The following TXLNB variants were observed in gnomAD, a reference collection of about 807,000 sequenced individuals.
TXLNB encodes taxilin beta, also known as beta-taxilin.
TXLNB carries 37 observed loss-of-function variants against 57.4 expected under a neutral mutation model. The ratio of observed to expected loss-of-function variants is 0.64; its 90% CI spans 0.50 to 0.85. TXLNB has a LOEUF of 0.85. Ranked by LOEUF, TXLNB falls within the 40% of genes least tolerant of loss-of-function variation. The probability of loss-of-function intolerance (pLI) is 0.00; values close to 1 mark genes in which losing one functional copy is unlikely to be tolerated. For synonymous variants in TXLNB, 302 were observed against 309.6 expected (o/e 0.98, Z 0.26); for missense variants, 848 against 825.6 (o/e 1.03, Z -0.33).
chr6:139,225,051 T>C, the TXLNB span, among the ~76,000 whole-genome samples: 5 of 152,150 alleles, frequency 3.3e-5, no homozygotes, highest in Non-Finnish European at 7.4e-5. Context: ...AATCAATCAC[T>C]GTAACCCACC....
chr6:139,274,658 C>G (rs758529198), intron 3 of TXLNB, among the ~76,000 whole-genome samples: 1 of 152,084 alleles, frequency 6.6e-6, no homozygotes, highest in African/African-American at 2.4e-5. Flanking sequence ...GATGAACAAC[C>G]CTGGCTCATG....
At chr6:139,246,456 G>A (rs1399516120) in intron 8 of TXLNB, among the ~76,000 whole-genome samples, 1 of 152,174 alleles carries the variant, frequency 6.6e-6, no homozygotes, top group East Asian at 1.9e-4. Flanking sequence ...GGCTGATTTT[G>A]TATTGGGAAG....
chr6:139,166,182 A>G, the TXLNB span: 3 of 913,334 alleles, frequency 3.3e-6, no homozygotes, highest in Non-Finnish European at 5.1e-6. Context: ...CTTTCATTAT[A>G]TTCATGTCTT....
chr6:139,219,686 G>A, the TXLNB span, among the ~76,000 whole-genome samples: 1 of 152,186 alleles, frequency 6.6e-6, no homozygotes, highest in Admixed American at 6.5e-5. Context: ...CTGGGAGGCT[G>A]AGACGGCAGG....
intron 2 of TXLNB, among the ~76,000 whole-genome samples, chr6:139,286,129 A>G (rs549617555): frequency 6.6e-6 from 1 of 152,282 alleles, no homozygotes; most frequent in Non-Finnish European, 1.5e-5. Flanking sequence ...CACTATTACC[A>G]ATAACAAAAA....
At chr6:139,312,671 A>G in the TXLNB span, among the ~76,000 whole-genome samples, 5 of 114,816 alleles carry the variant, frequency 4.4e-5, no homozygotes, top group Non-Finnish European at 9.2e-5. Flanking sequence ...ATGAACCCCA[A>G]AACATCCCTT....
the TXLNB span, among the ~76,000 whole-genome samples, chr6:139,170,764 G>A: frequency 6.6e-6 from 1 of 152,086 alleles, no homozygotes; most frequent in African/African-American, 2.4e-5. Context: ...GAATGTGAAT[G>A]GAAAGATTTT....
At position 139,270,583 on chromosome 6, in the gene TXLNB, T is replaced by C; in HGVS notation, c.560A>G (p.Gln187Arg). 6.2e-7 allele frequency: 1 copy of C among 1,614,194 alleles called. No individual in the cohort carries two copies. Among genetic ancestry groups the C allele is most frequent in the East Asian group, 2.2e-5 (1 of 44,890 alleles). The change falls in exon 4 of 10, where the codon CAA becomes CGA. Residue 187 changes from glutamine (Q) to arginine (R), a missense_variant. By Grantham distance (43) the Gln-to-Arg change is conservative. Coordinates refer to ENST00000358430, the MANE Select transcript of TXLNB (RefSeq NM_153235.4). ...TTTTTGAATTTGTACCTGTTTCTTT[T>C]GGAGGAGCTTTAACTTCTTTTGCTC... ...RTEQKKLKLLQKKQVQIQKEK... is the reference protein window; with the variant it reads ...RTEQKKLKLLRKKQVQIQKEK...
the TXLNB span, among the ~76,000 whole-genome samples, chr6:139,186,057 T>C: frequency 6.6e-6 from 1 of 152,152 alleles, no homozygotes; most frequent in African/African-American, 2.4e-5. Flanking sequence ...AATCAGTTGA[T>C]TTTCGGCAAA....
chr6:139,204,327 A>T, the TXLNB span, among the ~76,000 whole-genome samples: 1 of 152,136 alleles, frequency 6.6e-6, no homozygotes, highest in Non-Finnish European at 1.5e-5. Flanking sequence ...AAGTACTGGG[A>T]TTACAGGCAT....
the TXLNB span, among the ~76,000 whole-genome samples, chr6:139,312,738 A>C: frequency 6.6e-6 from 1 of 152,188 alleles, no homozygotes; most frequent in Non-Finnish European, 1.5e-5. Flanking sequence ...CTCTGAAAAC[A>C]GTATGTTACC....
the TXLNB span, among the ~76,000 whole-genome samples, chr6:139,307,879 C>T: frequency 2.0e-5 from 3 of 152,134 alleles, no homozygotes; most frequent in African/African-American, 4.8e-5. Flanking sequence ...TTTATCCAGA[C>T]GTGTTTTTAC....
chr6:139,314,095 C>G, the TXLNB span, among the ~76,000 whole-genome samples: 1 of 152,164 alleles, frequency 6.6e-6, no homozygotes, highest in Non-Finnish European at 1.5e-5. Context: ...AAGCATTTTA[C>G]CCCAAAATAG....
At chr6:139,312,889 C>T in the TXLNB span, among the ~76,000 whole-genome samples, 1 of 152,160 alleles carries the variant, frequency 6.6e-6, no homozygotes, top group African/African-American at 2.4e-5. Flanking sequence ...CACAACAAAT[C>T]TTACCCTTGT....
chr6:139,184,249 A>C, the TXLNB span, among the ~76,000 whole-genome samples: 1 of 152,244 alleles, frequency 6.6e-6, no homozygotes, highest in Admixed American at 6.5e-5. Flanking sequence ...AGATTTGCTC[A>C]ATATATGTAT....
chr6:139,254,892 C>T (rs904626892), intron 7 of TXLNB, among the ~76,000 whole-genome samples: 3 of 151,358 alleles, frequency 2.0e-5, no homozygotes, highest in Non-Finnish European at 4.4e-5. Context: ...GATCTCGGCT[C>T]ACTGCAGCCT....
At chr6:139,278,176 GA>G (rs1562285821) in intron 2 of TXLNB, among the ~76,000 whole-genome samples, 1 of 152,186 alleles carries the variant, frequency 6.6e-6, no homozygotes, top group Non-Finnish European at 1.5e-5. Context: ...TTAAGGCCCA[GA>G]AAAGTCCAAA....
chr6:139,245,896 G>T (rs1274640555), intron 8 of TXLNB, among the ~76,000 whole-genome samples: 1 of 152,060 alleles, frequency 6.6e-6, no homozygotes, highest in Non-Finnish European at 1.5e-5. Flanking sequence ...GTTTCACCAT[G>T]TTGGCCAGGC....
the TXLNB span, among the ~76,000 whole-genome samples, chr6:139,168,737 C>G: frequency 6.6e-6 from 1 of 152,152 alleles, no homozygotes; most frequent in African/African-American, 2.4e-5. Flanking sequence ...AAACATCCCC[C>G]AGGAGCTTTT....
Sources: allele counts gnomAD v4.1 joint callset (sites outside exome capture counted in the v4.1 genomes callset), GRCh38; gene constraint gnomAD v4.1.1; transcripts MANE v1.5; gene names NCBI Gene and HGNC (gene_info 2026-07-23, HGNC 2026-07-21).